PARD6G: variants seen among roughly 807,000 people sequenced by gnomAD.
PARD6G encodes the protein par-6 family cell polarity regulator gamma, also known as partitioning defective 6 homolog gamma.
Under a neutral mutation model 10.7 loss-of-function variants are expected in PARD6G, and 7 were observed. The ratio of observed to expected loss-of-function variants is 0.66; its 90% CI spans 0.37 to 1.23. The LOEUF is 1.23. Among genes scored for constraint, PARD6G ranks in the 50% most tolerant of loss-of-function variants. The pLI, the probability that PARD6G is intolerant of heterozygous loss-of-function variation, is 0.02. For missense variants in PARD6G, 548 were observed against 571.8 expected (o/e 0.96, Z 0.42); for synonymous variants, 287 against 269.4 (o/e 1.07, Z -0.64).
At position 80,160,577 on chromosome 18, in the gene PARD6G, C is replaced by G. The variant is rs763399285; in HGVS notation, c.325G>C (p.Gly109Arg). The G allele has an allele frequency of 6.9e-7, 1 of 1,459,850 alleles. No individual in the cohort carries two copies. The highest frequency in any genetic ancestry group is 2.7e-5 in the Admixed American group (1 of 37,000). 90.4% of individuals were successfully genotyped at this position (1,459,850 alleles called of 1,614,324 possible). A position where few individuals can be genotyped will look rare whatever the true frequency, so the allele number is the denominator to read the frequency against. Residue 109 changes from glycine to arginine, a missense_variant, in exon 3 of 3, where the codon GGC becomes CGC. Physicochemically the swap from Gly to Arg is moderately radical, Grantham distance 125. Around this residue, in one of 2 missense-constraint regions of PARD6G, gnomAD observed 235 missense variants for 291.9 expected, o/e 0.81. Coordinates refer to ENST00000353265, the MANE Select transcript of PARD6G (RefSeq NM_032510.4). ...EEAERGSLGA[G>R]SLCRRRRALG... is the part of the protein sequence containing the mutation. The stretch of plus-strand genomic sequence containing the variant: ...GCCCGCCTCCGCCTGCACAGCGAGC[C>G]CGCGCCGAGGCTGCCACGCTCGGCC...
At chr18:80,235,065 C>G (rs564100092) in intron 1 of PARD6G, among the ~76,000 whole-genome samples, 1 of 152,238 alleles carries the variant, frequency 6.6e-6, no homozygotes, top group Non-Finnish European at 1.5e-5. Flanking sequence ...ATTCTTCTCA[C>G]CACCACACCA....
chr18:80,204,785 CTA>C (rs1269274081), intron 1 of PARD6G, among the ~76,000 whole-genome samples: 1 of 151,774 alleles, frequency 6.6e-6, no homozygotes, highest in Non-Finnish European at 1.5e-5. Context: ...CCCATCTCTA[CTA>C]AAAGTACCAA....
chr18:80,230,691 C>G (rs1185128216), intron 1 of PARD6G, among the ~76,000 whole-genome samples: 1 of 152,146 alleles, frequency 6.6e-6, no homozygotes, highest in African/African-American at 2.4e-5. Flanking sequence ...GTGTTCTGGA[C>G]CAATGCACCC....
intron 1 of PARD6G, among the ~76,000 whole-genome samples, chr18:80,221,230 A>G (rs1967225221): frequency 6.6e-6 from 1 of 152,164 alleles, no homozygotes; most frequent in Admixed American, 6.6e-5. Flanking sequence ...CTTTCACCTG[A>G]TATCAAAACC....
intron 2 of PARD6G, among the ~76,000 whole-genome samples, chr18:80,186,402 T>TGCAC (rs1302210119): frequency 1.9e-5 from 2 of 107,246 alleles, no homozygotes; most frequent in Non-Finnish European, 3.6e-5. Flanking sequence ...CACACATGCA[T>TGCAC]GCACCCTCAC....
At chr18:80,193,275 G>C (rs1252159231) in intron 2 of PARD6G, among the ~76,000 whole-genome samples, 1 of 152,140 alleles carries the variant, frequency 6.6e-6, no homozygotes, top group East Asian at 1.9e-4. Flanking sequence ...CGCATGGCCT[G>C]GGGAAGGGTC....
chr18:80,246,980 C>A lies in PARD6G; in HGVS notation c.72+297G>T, dbSNP rs1457988049. Reference sequence around the variant, plus strand: ...AATGTGTGGCGCGCCCCGATCGCCTCTCACTCGTGGAACAAAAGAGCAGCT... The same window carrying A: ...AATGTGTGGCGCGCCCCGATCGCCTATCACTCGTGGAACAAAAGAGCAGCT... On this transcript the variant is annotated intron_variant, in intron 1 of 2. Coordinates refer to ENST00000353265, the MANE Select transcript of PARD6G (RefSeq NM_032510.4). The surrounding 1 kb of genome is among the most constrained non-coding windows in gnomAD (Gnocchi z 6.7). 6.6e-6 allele frequency among the ~76,000 whole-genome samples: 1 copy of A among 152,168 alleles called. No homozygotes were observed. Among genetic ancestry groups the A allele is most frequent in the African/African-American group, 2.4e-5 (1 of 41,440 alleles).
chr18:80,213,172 G>T (rs560992096), intron 1 of PARD6G, among the ~76,000 whole-genome samples: 1 of 152,154 alleles, frequency 6.6e-6, no homozygotes, highest in Non-Finnish European at 1.5e-5. Flanking sequence ...ACATAAAAAT[G>T]GTTAAGATGA....
At chr18:80,215,626 C>T (rs1599868232) in intron 1 of PARD6G, among the ~76,000 whole-genome samples, 1 of 151,670 alleles carries the variant, frequency 6.6e-6, no homozygotes, top group South Asian at 2.1e-4. Context: ...AAAGCCATCA[C>T]TAAGAAAATA....
intron 2 of PARD6G, among the ~76,000 whole-genome samples, chr18:80,187,580 C>T (rs911969199): frequency 1.3e-5 from 2 of 152,156 alleles, no homozygotes; most frequent in Admixed American, 1.3e-4. Flanking sequence ...ACACCCTAGC[C>T]CCTTCCCTCT....
At chr18:80,230,700 C>G (rs1341833985) in intron 1 of PARD6G, among the ~76,000 whole-genome samples, 3 of 152,146 alleles carry the variant, frequency 2.0e-5, no homozygotes, top group African/African-American at 7.2e-5. Flanking sequence ...ACCAATGCAC[C>G]CAGCACTGCT....
At chr18:80,194,712 G>T (rs539752524) in intron 2 of PARD6G, among the ~76,000 whole-genome samples, 1 of 152,242 alleles carries the variant, frequency 6.6e-6, no homozygotes, top group South Asian at 2.1e-4. Flanking sequence ...ATTTCTAAGG[G>T]TTCCTGAAGT....
chr18:80,237,914 T>G (rs1369929813), intron 1 of PARD6G, among the ~76,000 whole-genome samples: 5 of 152,034 alleles, frequency 3.3e-5, no homozygotes, highest in Non-Finnish European at 7.3e-5. Context: ...GTAAACTAAT[T>G]CAACCATTGT....
intron 2 of PARD6G, among the ~76,000 whole-genome samples, chr18:80,179,443 C>T (rs575601944): frequency 2.6e-5 from 4 of 152,284 alleles, no homozygotes; most frequent in African/African-American, 9.6e-5. Flanking sequence ...CTGCCCTCAG[C>T]GGGCCACTGG....
chr18:80,197,290 T>TA (rs1966966734), intron 2 of PARD6G, among the ~76,000 whole-genome samples: 1 of 152,246 alleles, frequency 6.6e-6, no homozygotes, highest in African/African-American at 2.4e-5. Flanking sequence ...CTATGCTTGA[T>TA]ACTTGAAAAT....
rs550991332 is a variant in PARD6G, at chr18:80,184,810, A to T, written c.295+17900T>A. The T allele has an allele frequency of 6.6e-6, 1 of 152,208 alleles. No individual in the cohort carries two copies. Among genetic ancestry groups the T allele is most frequent in the Admixed American group, 6.5e-5 (1 of 15,282 alleles). The allele number at this position is 152,208 out of a possible 1,614,324, so 9.4% of individuals were successfully genotyped here. A position where few individuals can be genotyped will look rare whatever the true frequency, so the allele number is the denominator to read the frequency against. On this transcript the variant is annotated intron_variant, in intron 2 of 2. Coordinates refer to ENST00000353265, the MANE Select transcript of PARD6G (RefSeq NM_032510.4). This position sits in a 1 kb window ranked among gnomAD's most constrained non-coding sequence, Gnocchi z 4.5. ...GGGGTTGGGGGAATGGGGAGAGACT[A>T]CTTAACAGGCAGAGACTTGTTTTTG...
Position 80,246,309 on chromosome 18 carries a change from C to T in PARD6G, c.72+968G>A, listed in dbSNP as rs898230485. Among the ~76,000 whole-genome samples, 6 of 152,198 alleles carry T rather than the reference C, an allele frequency of 3.9e-5. No homozygotes were observed. The highest frequency in any genetic ancestry group is 1.4e-4 in the African/African-American group (6 of 41,452). On this transcript the variant is annotated intron_variant, in intron 1 of 2. Transcript: ENST00000353265. This position sits in a 1 kb window ranked among gnomAD's most constrained non-coding sequence, Gnocchi z 6.7. ...GAACAACTGCAGCACCTCCTCAGCC[C>T]GCGGGGTCCACCAAGGAGACCCTCA...
At position 80,241,940 on chromosome 18, in the gene PARD6G, C is replaced by G. The variant is rs145659806; in HGVS notation, c.72+5337G>C. Reference sequence around the variant, plus strand: ...TGGACGTGATTCACAAACGCCAGAGCTTCTGAGACCTTGAATGGCTGCATC... The same window carrying G: ...TGGACGTGATTCACAAACGCCAGAGGTTCTGAGACCTTGAATGGCTGCATC... On this transcript the variant is annotated intron_variant, in intron 1 of 2. Transcript: ENST00000353265. Among the ~76,000 whole-genome samples, 450 of 152,320 alleles carry G rather than the reference C, an allele frequency of 3.0e-3. 1 individual carries two copies. Among genetic ancestry groups the G allele is most frequent in the Middle Eastern group, 6.8e-3 (2 of 294 alleles).
chr18:80,222,891 G>C lies in PARD6G; in HGVS notation c.73-19959C>G, dbSNP rs553809098. On this transcript the variant is annotated intron_variant, in intron 1 of 2. Transcript: ENST00000353265. ...GTGTTTCACCATATTGCCCAGGCTGGTCTTGAGCTCCTGGACTCAAGCAAT... is the reference window on the plus strand; with the variant it reads ...GTGTTTCACCATATTGCCCAGGCTGCTCTTGAGCTCCTGGACTCAAGCAAT... 5.0e-4 allele frequency among the ~76,000 whole-genome samples: 76 copies of C among 152,164 alleles called. 1 individual carries two copies. The South Asian group carries it at 9.4e-3, about 19-fold the overall frequency.
Sources: gnomAD v4.1 joint callset for allele counts (sites outside exome capture counted in the v4.1 genomes callset) on GRCh38, gnomAD v4.1.1 for gene constraint, gnomAD v4.1.1 regional missense constraint, Gnocchi (gnomAD v3.1) non-coding constraint, MANE v1.5 for transcripts, NCBI Gene and HGNC (gene_info 2026-07-23, HGNC 2026-07-21) for gene names.